GFRA2: variants seen among roughly 807,000 people sequenced by gnomAD.
The protein encoded by GFRA2 is GDNF family receptor alpha 2.
Under a neutral mutation model 48.3 loss-of-function variants are expected in GFRA2, and 17 were observed. That is an observed-to-expected ratio of 0.35 (90% confidence interval 0.24 to 0.53). The LOEUF is 0.53. Among genes scored for constraint, GFRA2 ranks in the 20% least tolerant of loss-of-function variants. The pLI is 0.93. For missense variants in GFRA2, 660 were observed against 637.3 expected (o/e 1.04, Z -0.38); for synonymous variants, 305 against 257.2 (o/e 1.19, Z -1.78).
chr8:21,786,029 C>G (rs1807251295), intron 1 of GFRA2, among the ~76,000 whole-genome samples: 1 of 152,214 alleles, frequency 6.6e-6, no homozygotes, highest in South Asian at 2.1e-4. Flanking sequence ...TATCTGTGGT[C>G]ACTCCACTCA....
At chr8:21,811,229 G>A (rs1329833993) in intron 1 of GFRA2, among the ~76,000 whole-genome samples, 1 of 152,150 alleles carries the variant, frequency 6.6e-6, no homozygotes, top group Non-Finnish European at 1.5e-5. Flanking sequence ...GCCTCCCCTG[G>A]AACAGAAGCA....
intron 4 of GFRA2, among the ~76,000 whole-genome samples, chr8:21,715,997 T>C (rs1471213479): frequency 1.3e-5 from 2 of 152,170 alleles, no homozygotes; most frequent in Non-Finnish European, 2.9e-5. Flanking sequence ...GTTTTTATTT[T>C]TCTTAAGGTA....
intron 4 of GFRA2, among the ~76,000 whole-genome samples, chr8:21,735,741 C>A (rs1028962615): frequency 2.0e-5 from 3 of 152,140 alleles, no homozygotes; most frequent in Admixed American, 6.5e-5. Context: ...CAGCTCACTG[C>A]AGCCTTGCCT....
At chr8:21,771,034 G>A (rs1806413466) in intron 3 of GFRA2, among the ~76,000 whole-genome samples, 1 of 152,144 alleles carries the variant, frequency 6.6e-6, no homozygotes, top group Non-Finnish European at 1.5e-5. Context: ...CCTCCACTGA[G>A]CACCCCAGGC....
At chr8:21,793,298 G>A (rs1231273339), upstream of GFRA2, among the ~76,000 whole-genome samples, 1 of 152,138 alleles carries the variant, frequency 6.6e-6, no homozygotes, top group East Asian at 1.9e-4. Context: ...TGTGAGGGAT[G>A]GAGACCAGGG....
chr8:21,746,033 C>T (rs897748441), intron 4 of GFRA2, among the ~76,000 whole-genome samples: 3 of 152,162 alleles, frequency 2.0e-5, no homozygotes, highest in Non-Finnish European at 4.4e-5. Context: ...CTTGTAAGAC[C>T]TCGGGGTCCC....
At chr8:21,763,422 C>T (rs1279321147) in intron 3 of GFRA2, among the ~76,000 whole-genome samples, 1 of 152,052 alleles carries the variant, frequency 6.6e-6, no homozygotes, top group Non-Finnish European at 1.5e-5. Flanking sequence ...CTGCCATTCC[C>T]CTCTCTCAGG....
Position 21,782,860 on chromosome 8 carries a change from T to A in GFRA2, c.80A>T (p.Gln27Leu). ...LRSLASPSSLQGPELHGWRPP... is the reference protein window; with the variant it reads ...LRSLASPSSLLGPELHGWRPP... ...GCGCCAGCCGTGGAGCTCGGGGCCC[T>A]GCAGGGAGGAAGGGCTGGCCAAAGA... is the stretch of plus-strand genomic sequence containing the variant. The change falls in exon 2 of 9, where the codon CAG (glutamine) becomes CTG (leucine). Residue 27 changes from glutamine (Q) to leucine (L), a missense_variant. Transcript: ENST00000524240. The A allele has an allele frequency of 6.4e-7, 1 of 1,568,180 alleles. No homozygotes were observed. Among genetic ancestry groups the A allele is most frequent in the African/African-American group, 1.3e-5 (1 of 74,324 alleles).
rs148378414 is a variant in GFRA2 at position 21,723,610 on chromosome 8, C to T, written c.795-17569G>A. Among the ~76,000 whole-genome samples the T allele has an allele frequency of 9.1e-3, 1,381 of 152,234 alleles. 23 individuals carry two copies. The highest frequency in any genetic ancestry group is 0.032 in the African/African-American group (1,317 of 41,528). On this transcript the variant is annotated intron_variant, in intron 4 of 8. Coordinates refer to ENST00000524240, the MANE Select transcript of GFRA2 (RefSeq NM_001495.5). ...GGCAGAAGGAGGCCCCTGAGGGTTC[C>T]ACCACCACCCTCTGATTCTCTCCAG...
intron 4 of GFRA2, among the ~76,000 whole-genome samples, chr8:21,729,289 C>T (rs1563232457): frequency 6.6e-6 from 1 of 152,150 alleles, no homozygotes; most frequent in Non-Finnish European, 1.5e-5. Flanking sequence ...GTGATCACAC[C>T]ACTGCACTCC....
intron 3 of GFRA2, among the ~76,000 whole-genome samples, chr8:21,760,356 T>C (rs1323223065): frequency 6.6e-6 from 1 of 152,058 alleles, no homozygotes; most frequent in Non-Finnish European, 1.5e-5. Context: ...TAGTGGAGGC[T>C]GGGGTGGGGT....
upstream of GFRA2, chr8:21,790,072 G>A: frequency 1.0e-6 from 1 of 985,336 alleles, no homozygotes; most frequent in Non-Finnish European, 1.2e-6. Flanking sequence ...GGGCTCACCG[G>A]CGTGTTTTAG....
upstream of GFRA2, among the ~76,000 whole-genome samples, chr8:21,791,640 A>T (rs1157816716): frequency 2.0e-5 from 3 of 152,238 alleles, no homozygotes; most frequent in African/African-American, 7.2e-5. Context: ...CAGTCATCTC[A>T]TCTATAAAAT....
Position 21,702,843 on chromosome 8 carries a change from A to G in GFRA2, c.1180T>C (p.Leu394=), listed in dbSNP as rs1467365634. 2.5e-6 allele frequency: 4 copies of G among 1,609,914 alleles called. No homozygotes were observed. In the African/African-American group the frequency reaches 4.0e-5, roughly 16 times the overall value. The change falls in exon 7 of 9, where the codon TTG becomes CTG. Residue 394 remains leucine, a synonymous_variant. Coordinates refer to ENST00000524240, the MANE Select transcript of GFRA2 (RefSeq NM_001495.5). ...LPDDLSDSTS[L]GTSVITTCTS... ...CAGGTGGTGATGACACTGGTCCCCA[A>G]GCTGGTACTGTCACTGAGGTCATCT...
chr8:21,795,090 A>T (rs1807644391), intron 2 of GFRA2, among the ~76,000 whole-genome samples: 1 of 152,180 alleles, frequency 6.6e-6, no homozygotes, highest in Admixed American at 6.5e-5. Flanking sequence ...GAGTCCTGTA[A>T]GCCCCAGGGT....
At chr8:21,722,439 C>T (rs2117450865) in intron 4 of GFRA2, among the ~76,000 whole-genome samples, 1 of 152,254 alleles carries the variant, frequency 6.6e-6, no homozygotes, top group Non-Finnish European at 1.5e-5. Context: ...TTTTCTTTTT[C>T]TTCTTTCTTT....
At chr8:21,760,004 A>G (rs968779572) in intron 3 of GFRA2, among the ~76,000 whole-genome samples, 4 of 152,296 alleles carry the variant, frequency 2.6e-5, no homozygotes, top group South Asian at 4.1e-4. Flanking sequence ...CACACACACA[A>G]AAACAAAAAC....
intron 7 of GFRA2, among the ~76,000 whole-genome samples, chr8:21,697,181 A>AAGGGGAAGG (rs1802247240): frequency 2.3e-5 from 3 of 131,070 alleles, no homozygotes; most frequent in Admixed American, 8.0e-5. Context: ...GAGGGGACAG[A>AAGGGGAAGG]GGAGAGGGAG....
chr8:21,712,545 T>C (rs1172215160), intron 4 of GFRA2, among the ~76,000 whole-genome samples: 7 of 148,208 alleles, frequency 4.7e-5, no homozygotes, highest in Non-Finnish European at 1.0e-4. Flanking sequence ...GCAGAGGGGC[T>C]CCTCACATCC....
Sources: allele counts gnomAD v4.1 joint callset (sites outside exome capture counted in the v4.1 genomes callset), GRCh38; gene constraint gnomAD v4.1.1; transcripts MANE v1.5; gene names NCBI Gene and HGNC (gene_info 2026-07-23, HGNC 2026-07-21).